CLEC2L: variants seen among roughly 807,000 people sequenced by gnomAD.
CLEC2L encodes the protein C-type lectin domain family 2 member L.
CLEC2L carries 14 observed loss-of-function variants against 23.6 expected under a neutral mutation model. The ratio of observed to expected loss-of-function variants is 0.59; its 90% confidence interval spans 0.39 to 0.93. CLEC2L has a LOEUF of 0.93. Ranked by LOEUF, CLEC2L falls within the 40% of genes least tolerant of loss-of-function variation. The pLI is 0.00. For synonymous variants in CLEC2L, 114 were observed against 121.3 expected, an observed-to-expected ratio of 0.94 and a Z score of 0.40; for missense variants, 264 against 282.4, an observed-to-expected ratio of 0.93 and a Z score of 0.47.
intron 1 of CLEC2L, among the ~76,000 whole-genome samples, chr7:139,535,301 T>C (rs1184939450): frequency 1.3e-5 from 2 of 152,260 alleles, no homozygotes; most frequent in Non-Finnish European, 2.9e-5. Context: ...TTTCCTCTTA[T>C]ATGAGATTCC....
rs1007790835 is a variant in CLEC2L, at chr7:139,542,097, A to G, written c.509A>G (p.Asn170Ser). Residue 170 changes from asparagine to serine, a missense_variant, in exon 4 of 5, where the codon AAC (asparagine) becomes AGC (serine). Asn to Ser is a conservative substitution (Grantham distance 46). Coordinates refer to ENST00000422142, the MANE Select transcript of CLEC2L (RefSeq NM_001080511.4). Reference protein sequence around the residue: ...RRVGDEFHWVNGDPFDPDTFT... With the variant: ...RRVGDEFHWVSGDPFDPDTFT... ...GTTGGGGACGAATTCCACTGGGTCA[A>G]CGGGGACCCGTTTGATCCGGACACG... 1.2e-6 allele frequency: 2 copies of G among 1,612,336 alleles called. No homozygotes were observed. The highest frequency in any genetic ancestry group is 1.7e-6 in the Non-Finnish European group (2 of 1,179,152).
chr7:139,536,713 G>C (rs1009112700), intron 2 of CLEC2L, among the ~76,000 whole-genome samples: 1 of 152,020 alleles, frequency 6.6e-6, no homozygotes, highest in Non-Finnish European at 1.5e-5. Flanking sequence ...AGTGGCTCAC[G>C]CCTGTAATCC....
chr7:139,531,944 T>C (rs1405338021), intron 1 of CLEC2L, among the ~76,000 whole-genome samples: 1 of 151,742 alleles, frequency 6.6e-6, no homozygotes, highest in African/African-American at 2.4e-5. Context: ...AAAAAAAATT[T>C]CCTGGAACTG....
chr7:139,527,192 G>A (rs1379475033), intron 1 of CLEC2L, among the ~76,000 whole-genome samples: 2 of 152,176 alleles, frequency 1.3e-5, no homozygotes, highest in African/African-American at 2.4e-5. Context: ...TGAGGGAGCC[G>A]AGACTGAGAG....
chr7:139,540,336 T>C lies in CLEC2L; in HGVS notation c.281T>C (p.Ile94Thr). Residue 94 changes from isoleucine (I) to threonine (T), a missense_variant, in exon 3 of 5, where the codon ATC (isoleucine) becomes ACC (threonine). Coordinates refer to ENST00000422142, the MANE Select transcript of CLEC2L (RefSeq NM_001080511.4). This position sits in a 1 kb window ranked among gnomAD's most constrained non-coding sequence, Gnocchi z 5.8. ...VMSILASKGC[I>T]KCEAPCPEDW... ...TTCCCTGCAGCTTCCAAGGGCTGCA[T>C]CAAGTGCGAAGCGCCCTGCCCGGAG... The C allele has an allele frequency of 6.2e-7, 1 of 1,610,406 alleles. No individual in the cohort carries two copies.
In CLEC2L at chr7:139,540,487, G is replaced by GGT. The variant is rs1203634846; in HGVS notation, c.432+2_432+3dup. 1 of 1,585,664 alleles carries GGT rather than the reference G, an allele frequency of 6.3e-7. No homozygotes were observed. Among genetic ancestry groups the GGT allele is most frequent in the Non-Finnish European group, 8.6e-7 (1 of 1,166,474 alleles). Reference sequence around the variant, plus strand: ...CTGTGATTCAGAGCCAGAAGGAGCTGGTGAGTGTGCCAAGGTGAAGGGGGT... The same window carrying GGT: ...CTGTGATTCAGAGCCAGAAGGAGCTGGTGTGAGTGTGCCAAGGTGAAGGGGGT... On this transcript the variant is annotated frameshift_variant and splice_region_variant. Coordinates refer to ENST00000422142, the MANE Select transcript of CLEC2L (RefSeq NM_001080511.4). LOFTEE classifies it high-confidence loss of function. This position sits in a 1 kb window ranked among gnomAD's most constrained non-coding sequence, Gnocchi z 5.8.
chr7:139,528,553 TACTC>T lies in CLEC2L; in HGVS notation c.190+4440_190+4443del, dbSNP rs151138402. On this transcript the variant is annotated intron_variant, in intron 1 of 4. Transcript: ENST00000422142. The stretch of plus-strand genomic sequence containing the variant: ...TAAAACCATCAGATCTTGTGAGACT[TACTC>T]ACTATCACAAGAACAGCATGATTTG... Among the ~76,000 whole-genome samples, 400 of 152,246 alleles carry T rather than the reference TACTC, an allele frequency of 2.6e-3. 1 individual carries two copies. The highest frequency in any genetic ancestry group is 2.9e-3 in the Non-Finnish European group (196 of 68,020).
intron 1 of CLEC2L, among the ~76,000 whole-genome samples, chr7:139,532,188 G>A (rs1281596276): frequency 6.6e-6 from 1 of 152,190 alleles, no homozygotes; most frequent in African/African-American, 2.4e-5. Flanking sequence ...AAATTCTGAA[G>A]GAGAATTATT....
intron 1 of CLEC2L, among the ~76,000 whole-genome samples, chr7:139,535,565 C>T (rs1384429656): frequency 6.6e-6 from 1 of 151,752 alleles, no homozygotes; most frequent in Admixed American, 6.6e-5. Flanking sequence ...CTTAAAATAC[C>T]CTATGTTTAA....
In CLEC2L at chr7:139,537,805, C is replaced by T. The variant is rs532939814; in HGVS notation, c.265+1457C>T. ...TCTGGACCCCATCAAGGAAATAGAA[C>T]ATGCTAAGTGGAAGAGGCCTGAGAA... On this transcript the variant is annotated intron_variant, in intron 2 of 4. Coordinates refer to ENST00000422142, the MANE Select transcript of CLEC2L (RefSeq NM_001080511.4). Among the ~76,000 whole-genome samples, 232 of 152,282 alleles carry T rather than the reference C, an allele frequency of 1.5e-3. 1 individual carries two copies. The highest frequency in any genetic ancestry group is 5.4e-3 in the African/African-American group (226 of 41,554).
chr7:139,526,097 C>T (rs1412702687), intron 1 of CLEC2L, among the ~76,000 whole-genome samples: 1 of 152,202 alleles, frequency 6.6e-6, no homozygotes, highest in African/African-American at 2.4e-5. Context: ...CATCTTGGGC[C>T]TACTGACTTT....
At chr7:139,542,214 G>C (rs1483065985) in intron 4 of CLEC2L, 93 bp downstream of exon 4, 6 of 817,046 alleles carry the variant, frequency 7.3e-6, no homozygotes, top group Non-Finnish European at 1.2e-5. Flanking sequence ...AGAAGCCCTT[G>C]TTTTGTGCTA....
chr7:139,531,773 G>A (rs1318710937), intron 1 of CLEC2L, among the ~76,000 whole-genome samples: 1 of 152,096 alleles, frequency 6.6e-6, no homozygotes, highest in Non-Finnish European at 1.5e-5. Flanking sequence ...AGCCAGGTGT[G>A]ATGGCAGGCA....
chr7:139,530,984 C>T (rs891304374), intron 1 of CLEC2L, among the ~76,000 whole-genome samples: 2 of 152,186 alleles, frequency 1.3e-5, no homozygotes, highest in Admixed American at 6.5e-5. Flanking sequence ...CATGGACTCT[C>T]ATCCATCCAA....
chr7:139,529,021 C>A (rs1217624400), intron 1 of CLEC2L, among the ~76,000 whole-genome samples: 1 of 152,144 alleles, frequency 6.6e-6, no homozygotes, highest in Non-Finnish European at 1.5e-5. Context: ...CTAAATTTCT[C>A]CCATAGTTTT....
chr7:139,536,225 TGGCGGTGGGATG>T (rs902958545), intron 1 of CLEC2L, 37 bp from the exon 2 acceptor site: 17 of 1,438,062 alleles, frequency 1.2e-5, no homozygotes, highest in Middle Eastern at 1.7e-4. Flanking sequence ...GCAGTGGGAC[TGGCGGTGGGATG>T]GGCGGTGGGA....
In CLEC2L at chr7:139,523,837, C is replaced by T. The variant is rs1797464629; in HGVS notation, c.-91C>T. The T allele has an allele frequency of 2.3e-6, 2 of 880,780 alleles. No homozygotes were observed. Among genetic ancestry groups the T allele is most frequent in the Non-Finnish European group, 2.7e-6 (2 of 737,158 alleles). 54.6% of individuals were successfully genotyped at this position (880,780 alleles called of 1,614,324 possible). A position where few individuals can be genotyped will look rare whatever the true frequency, so the allele number is the denominator to read the frequency against. ...GCCCACCCGAGGCCGGCCTGGGGGG[C>T]CCGCAGGGCGCGCGGAGCGCCGAGT... On this transcript the variant is annotated 5_prime_UTR_variant, in exon 1 of 5. Transcript: ENST00000422142. The surrounding 1 kb of genome is among the most constrained non-coding windows in gnomAD (Gnocchi z 4.1).
At chr7:139,543,057 G>C (rs1473950827) in intron 4 of CLEC2L, among the ~76,000 whole-genome samples, 1 of 152,106 alleles carries the variant, frequency 6.6e-6, no homozygotes, top group Non-Finnish European at 1.5e-5. Context: ...AAAGCAGAAG[G>C]GCATCTGAGA....
At chr7:139,534,036 G>A (rs1488790169) in intron 1 of CLEC2L, among the ~76,000 whole-genome samples, 8 of 152,180 alleles carry the variant, frequency 5.3e-5, no homozygotes, top group Admixed American at 5.2e-4. Context: ...ATTGTAAAGG[G>A]AATTCACACC....
Sources: gnomAD v4.1 joint callset for allele counts (sites outside exome capture counted in the v4.1 genomes callset) on GRCh38, gnomAD v4.1.1 for gene constraint, Gnocchi (gnomAD v3.1) non-coding constraint, MANE v1.5 for transcripts, NCBI Gene and HGNC (gene_info 2026-07-23, HGNC 2026-07-21) for gene names.